RYR2: variants seen among roughly 807,000 people sequenced by gnomAD.
RYR2 encodes ryanodine receptor 2.
RYR2 carries 227 observed loss-of-function variants against 601.1 expected under a neutral mutation model. That is an observed-to-expected ratio of 0.38 (90% CI 0.34 to 0.42). The LOEUF (loss-of-function observed/expected upper bound fraction) is 0.42, where lower values mean the gene tolerates loss of function less well. Among genes scored for constraint, RYR2 ranks in the 10% least tolerant of loss-of-function variants. RYR2 has a pLI of 1.00. For missense variants in RYR2, 4,646 were observed against 6,156.5 expected (o/e 0.75, Z 8.21); for synonymous variants, 2,223 against 2,175.1 (o/e 1.02, Z -0.61).
At chr1:237,446,710 T>A (rs1482845346) in intron 14 of RYR2, among the ~76,000 whole-genome samples, 3 of 152,216 alleles carry the variant, frequency 2.0e-5, no homozygotes, top group Non-Finnish European at 4.4e-5. Flanking sequence ...TGGCCACACA[T>A]CCTAAGTGTT....
At chr1:237,413,720 G>A (rs1168141156) in intron 10 of RYR2, among the ~76,000 whole-genome samples, 1 of 151,952 alleles carries the variant, frequency 6.6e-6, no homozygotes, top group African/African-American at 2.4e-5. Flanking sequence ...CACAGAAAAT[G>A]TACATAATTT....
At chr1:237,234,818 G>T (rs138355985) in intron 1 of RYR2, among the ~76,000 whole-genome samples, 1 of 151,936 alleles carries the variant, frequency 6.6e-6, no homozygotes, top group African/African-American at 2.4e-5. Context: ...AAGGATTTCA[G>T]TAAATGTAGG....
intron 1 of RYR2, among the ~76,000 whole-genome samples, chr1:237,244,613 TA>T (rs1390288416): frequency 6.6e-6 from 1 of 152,180 alleles, no homozygotes; most frequent in African/African-American, 2.4e-5. Flanking sequence ...AGCTGAAATA[TA>T]AAATCCAGCT....
At chr1:237,814,965 CTTTTT>C (rs11314213) in intron 100 of RYR2, among the ~76,000 whole-genome samples, 5 of 93,914 alleles carry the variant, frequency 5.3e-5, no homozygotes, top group Non-Finnish European at 8.3e-5. Context: ...TTTCTTTTTT[CTTTTT>C]TTTTTTTTTT....
Position 237,614,822 on chromosome 1 carries a change from G to T in RYR2, c.5694G>T (p.Leu1898=). The change falls in exon 37 of 105, where the codon CTG becomes CTT. Residue 1898 remains leucine (L), a synonymous_variant. Transcript: ENST00000366574. The surrounding 1 kb of genome is among the most constrained non-coding windows in gnomAD (Gnocchi z 4.3). The part of the protein sequence containing the change: ...RPKEGLLQMK[L]PEPVKLQMCL... The stretch of plus-strand genomic sequence containing the variant: ...AGGAAGGCCTGCTCCAAATGAAACT[G>T]CCAGAGCCAGTTAAATTGCAGGTAA... 1 of 1,575,064 alleles carries T rather than the reference G, an allele frequency of 6.3e-7. No homozygotes were observed. Among genetic ancestry groups the T allele is most frequent in the Non-Finnish European group, 8.6e-7 (1 of 1,162,642 alleles).
chr1:237,049,624 C>A (rs1289855593), intron 1 of RYR2, among the ~76,000 whole-genome samples: 2 of 152,150 alleles, frequency 1.3e-5, no homozygotes, highest in African/African-American at 4.8e-5. Flanking sequence ...CCCTGGAAAT[C>A]CTCATCCTGG....
chr1:237,600,208 C>A (rs1000332118), intron 34 of RYR2, among the ~76,000 whole-genome samples: 3 of 151,980 alleles, frequency 2.0e-5, no homozygotes, highest in African/African-American at 4.8e-5. Context: ...CAAAACACTA[C>A]CTGACTTGAA....
chr1:237,659,961 T>C, intron 54 of RYR2, 24 bp from the exon 55 acceptor site: 1 of 1,514,616 alleles, frequency 6.6e-7, no homozygotes, highest in African/African-American at 1.4e-5. Flanking sequence ...GTAAAACAAT[T>C]TTTAATGTTT....
At chr1:237,569,431 C>CA in intron 29 of RYR2, 112 bp downstream of exon 29, 1 of 987,844 alleles carries the variant, frequency 1.0e-6, no homozygotes, top group Non-Finnish European at 1.5e-6. Context: ...AGATGAGTTG[C>CA]AGCTGTAAAT....
At chr1:237,698,274 T>C (rs1558241751) in intron 63 of RYR2, among the ~76,000 whole-genome samples, 1 of 152,136 alleles carries the variant, frequency 6.6e-6, no homozygotes, top group Non-Finnish European at 1.5e-5. Flanking sequence ...AATGCTTTTA[T>C]CACTCATATT....
chr1:237,135,528 C>A (rs1447993401), intron 1 of RYR2, among the ~76,000 whole-genome samples: 2 of 108,600 alleles, frequency 1.8e-5, no homozygotes, highest in Non-Finnish European at 3.9e-5. Context: ...CGCCACCACA[C>A]CTAATTTTTT....
chr1:237,225,422 CAA>C (rs1265526840), intron 1 of RYR2, among the ~76,000 whole-genome samples: 1 of 152,086 alleles, frequency 6.6e-6, no homozygotes, highest in Non-Finnish European at 1.5e-5. Context: ...TGGCGGCAGA[CAA>C]GAGAGAATGA....
chr1:237,395,564 T>TTTTTTTTTTTTTTTTTTTTG (rs1400077755), intron 10 of RYR2, among the ~76,000 whole-genome samples: 1 of 77,632 alleles, frequency 1.3e-5, no homozygotes, highest in African/African-American at 5.9e-5. Context: ...TTTTTTTTTT[T>TTTTTTTTTTTTTTTTTTTTG]GAGACAGAGT....
intron 3 of RYR2, among the ~76,000 whole-genome samples, chr1:237,335,040 G>A (rs1394303517): frequency 6.6e-6 from 1 of 152,048 alleles, no homozygotes; most frequent in Non-Finnish European, 1.5e-5. Context: ...ATTCCTGACT[G>A]CCTTTTCTCT....
At chr1:237,601,906 C>A in intron 34 of RYR2, 119 bp from the exon 35 acceptor site, 1 of 752,358 alleles carries the variant, frequency 1.3e-6, no homozygotes, top group Non-Finnish European at 2.1e-6. Context: ...AATCGATATG[C>A]AAGAAAGGAA....
At chr1:237,381,032 CGCACCATTGCATTCCAGCCTG>C (rs1395645477) in intron 8 of RYR2, among the ~76,000 whole-genome samples, 3 of 151,766 alleles carry the variant, frequency 2.0e-5, no homozygotes, top group Non-Finnish European at 2.9e-5. Context: ...GAGCTGAGAT[CGCACCATTGCATTCCAGCCTG>C]GGCGACAAGA....
rs752142789 is a variant in RYR2 at position 237,709,513 on chromosome 1, A to G, written c.10176A>G (p.Ala3392=). ...GGCTAAAGGAGCCTAACCCAGAAGCAGAGGAGCTCTTCCGCATGGTGGCTG... is the reference window on the plus strand; with the variant it reads ...GGCTAAAGGAGCCTAACCCAGAAGCGGAGGAGCTCTTCCGCATGGTGGCTG... ...AKWLKEPNPE[A]EELFRMVAEV... is the part of the protein sequence containing the mutation. Residue 3392 remains alanine (A), a synonymous_variant, in exon 70 of 105, where the codon GCA becomes GCG. Coordinates refer to ENST00000366574, the MANE Select transcript of RYR2 (RefSeq NM_001035.3). 2.5e-6 allele frequency: 4 copies of G among 1,612,396 alleles called. No individual in the cohort carries two copies. The South Asian group carries it at 3.3e-5, about 13-fold the overall frequency.
chr1:237,115,507 G>GA (rs566776213), intron 1 of RYR2, among the ~76,000 whole-genome samples: 213 of 152,316 alleles, frequency 1.4e-3, no homozygotes, highest in African/African-American at 4.8e-3. Context: ...AGTGTTTTGT[G>GA]AAGCATTTTT....
chr1:237,756,229 G>A, intron 80 of RYR2, 59 bp from the exon 81 acceptor site: 1 of 1,135,902 alleles, frequency 8.8e-7, no homozygotes, highest in Non-Finnish European at 1.3e-6. Flanking sequence ...AATATGGTCT[G>A]TAGAAATCTG....
Sources: allele counts gnomAD v4.1 joint callset (sites outside exome capture counted in the v4.1 genomes callset), GRCh38; gene constraint gnomAD v4.1.1; non-coding constraint Gnocchi (gnomAD v3.1); transcripts MANE v1.5; gene names NCBI Gene and HGNC (gene_info 2026-07-23, HGNC 2026-07-21).